MYO1D: variants seen among roughly 807,000 people sequenced by gnomAD.
MYO1D encodes unconventional myosin-Id.
Under a neutral mutation model 122.0 loss-of-function variants are expected in MYO1D, and 83 were observed. The ratio of observed to expected loss-of-function variants is 0.68; its 90% CI spans 0.57 to 0.82. The LOEUF is 0.82. Ranked by LOEUF, MYO1D falls within the 40% of genes least tolerant of loss-of-function variation. The pLI, the probability that MYO1D is intolerant of heterozygous loss-of-function variation, is 0.00. For synonymous variants in MYO1D, 464 were observed against 446.9 expected (o/e 1.04, Z -0.48); for missense variants, 1,157 against 1,269.5 (o/e 0.91, Z 1.35).
chr17:32,632,495 G>C (rs140334365), intron 20 of MYO1D: 3 of 151,212 alleles, frequency 2.0e-5, no homozygotes, highest in Non-Finnish European at 4.4e-5. Flanking sequence ...TGCTGCATTC[G>C]TGTATGTGCC....
chr17:32,821,721 A>G (rs987894160), intron 1 of MYO1D, among the ~76,000 whole-genome samples: 2 of 152,194 alleles, frequency 1.3e-5, no homozygotes, highest in Admixed American at 1.3e-4. Context: ...AACTCCTTTT[A>G]CTTATAAGCA....
intron 1 of MYO1D, among the ~76,000 whole-genome samples, chr17:32,853,784 C>A (rs1243081442): frequency 6.6e-6 from 1 of 152,144 alleles, no homozygotes; most frequent in Non-Finnish European, 1.5e-5. Flanking sequence ...CACTTCTGAA[C>A]CAATGCTCTA....
Position 32,494,618 on chromosome 17 carries a change from A to G in MYO1D, c.*141T>C. On this transcript the variant is annotated 3_prime_UTR_variant, in exon 22 of 22. Coordinates refer to ENST00000318217, the MANE Select transcript of MYO1D (RefSeq NM_015194.3). ...TGATACCAAAGGCAGAAAACCAGGA[A>G]GGAAATCTTACAGGGGCGGGGCTCC... 1 of 1,011,236 alleles carries G rather than the reference A, an allele frequency of 9.9e-7. No individual in the cohort carries two copies. The highest frequency in any genetic ancestry group is 1.4e-6 in the Non-Finnish European group (1 of 712,390). The allele number at this position is 1,011,236 out of a possible 1,614,324, so 62.6% of individuals were successfully genotyped here. A position where few individuals can be genotyped will look rare whatever the true frequency, so the allele number is the denominator to read the frequency against.
rs772718477 is a variant in MYO1D, at chr17:32,764,942, C to T, written c.971G>A (p.Arg324His). Residue 324 changes from arginine to histidine, a missense_variant, in exon 8 of 22, where the codon CGT (arginine) becomes CAT (histidine). Transcript: ENST00000318217. ...ALLYRTVATGRDIIDKQHTEQ... is the reference protein window; with the variant it reads ...ALLYRTVATGHDIIDKQHTEQ... ...TGTGTGCTGCTTGTCAATGATGTCACGGCCTGTGGCCACAGTCCGGTAAAG... is the reference window on the plus strand; with the variant it reads ...TGTGTGCTGCTTGTCAATGATGTCATGGCCTGTGGCCACAGTCCGGTAAAG... 28 of 1,614,078 alleles carry T rather than the reference C, an allele frequency of 1.7e-5. No homozygotes were observed. Among genetic ancestry groups the T allele is most frequent in the East Asian group, 6.7e-5 (3 of 44,892 alleles).
Position 32,873,573 on chromosome 17 carries a change from G to A in MYO1D, c.95+3205C>T, listed in dbSNP as rs141695242. Among the ~76,000 whole-genome samples the A allele has an allele frequency of 1.1e-3, 164 of 152,298 alleles. 1 individual carries two copies. The highest frequency in any genetic ancestry group is 3.4e-3 in the African/African-American group (143 of 41,556). On this transcript the variant is annotated intron_variant, in intron 1 of 21. Transcript: ENST00000318217. ...CATCACAGAACAGCACCTGGATTAC[G>A]CAGTGGTGGGTTTCTGGTCACCTTC...
At chr17:32,741,326 A>C (rs972681059) in intron 13 of MYO1D, among the ~76,000 whole-genome samples, 1 of 151,932 alleles carries the variant, frequency 6.6e-6, no homozygotes, top group African/African-American at 2.4e-5. Context: ...AGCATCAAAT[A>C]GTGTCCAGAG....
chr17:32,646,351 C>A (rs1172572138), intron 19 of MYO1D, among the ~76,000 whole-genome samples: 3 of 152,078 alleles, frequency 2.0e-5, no homozygotes, highest in Non-Finnish European at 4.4e-5. Flanking sequence ...AATAGCTAAT[C>A]CCAGCTACTT....
At chr17:32,563,728 C>G (rs538481562) in intron 21 of MYO1D, among the ~76,000 whole-genome samples, 1 of 152,364 alleles carries the variant, frequency 6.6e-6, no homozygotes, top group East Asian at 1.9e-4. Flanking sequence ...ACACTGAGTT[C>G]TACTTCATGA....
intron 2 of MYO1D, 80 bp downstream of exon 2, chr17:32,780,496 A>G: frequency 7.1e-7 from 1 of 1,413,096 alleles, no homozygotes; most frequent in Non-Finnish European, 9.8e-7. Context: ...AAAATATTTA[A>G]TCAATTGTTT....
rs10674390 is a variant in MYO1D, at chr17:32,639,363, TTGTGTGTGTGTG to T, written c.2596-540_2596-529del. Reference sequence around the variant, plus strand: ...CTAGATTATGAGATTGGGAGAAATTTTGTGTGTGTGTGTGTGTGTGTGTGTGTGTGTGTGTGT... The same window carrying T: ...CTAGATTATGAGATTGGGAGAAATTTTGTGTGTGTGTGTGTGTGTGTGTGT... On this transcript the variant is annotated intron_variant, in intron 19 of 21. Coordinates refer to ENST00000318217, the MANE Select transcript of MYO1D (RefSeq NM_015194.3). 2.7e-3 allele frequency among the ~76,000 whole-genome samples: 340 copies of T among 128,266 alleles called. 4 individuals carry two copies. Among genetic ancestry groups the T allele is most frequent in the African/African-American group, 0.01 (325 of 31,306 alleles). The allele number at this position is 128,266 out of a possible 152,430, so 84.1% of individuals were successfully genotyped here.
intron 21 of MYO1D, among the ~76,000 whole-genome samples, chr17:32,542,531 C>T (rs545156699): frequency 8.6e-5 from 13 of 150,364 alleles, no homozygotes; most frequent in African/African-American, 2.7e-4. Flanking sequence ...TGAGAAGGGA[C>T]GTCCAAAGAG....
chr17:32,720,216 T>C (rs2089494525), intron 15 of MYO1D, among the ~76,000 whole-genome samples: 1 of 152,172 alleles, frequency 6.6e-6, no homozygotes, highest in Non-Finnish European at 1.5e-5. Context: ...CAATTATCAT[T>C]ATCATTTTTT....
chr17:32,557,947 C>A (rs1030671669), intron 21 of MYO1D, among the ~76,000 whole-genome samples: 1 of 151,814 alleles, frequency 6.6e-6, no homozygotes, highest in Non-Finnish European at 1.5e-5. Context: ...AATGAATGGG[C>A]ATGGCTGTGT....
chr17:32,730,536 T>C lies in MYO1D; in HGVS notation c.1746+7717A>G, dbSNP rs559041218. Among the ~76,000 whole-genome samples the C allele has an allele frequency of 7.2e-5, 11 of 152,340 alleles. No individual in the cohort carries two copies. The East Asian group carries it at 1.9e-3, about 27-fold the overall frequency. ...TTGATAAACTCTCTGTTTTTGGTTT[T>C]TGTTTTTCAGAAAGATTCTTTATTG... is the stretch of plus-strand genomic sequence containing the variant. On this transcript the variant is annotated intron_variant, in intron 14 of 21. Coordinates refer to ENST00000318217, the MANE Select transcript of MYO1D (RefSeq NM_015194.3).
chr17:32,730,892 T>A (rs2089629921), intron 14 of MYO1D, among the ~76,000 whole-genome samples: 1 of 151,368 alleles, frequency 6.6e-6, no homozygotes, highest in African/African-American at 2.4e-5. Context: ...CTTTATTTTC[T>A]CTTCCACGTG....
chr17:32,570,459 G>C (rs1228892015), intron 21 of MYO1D, among the ~76,000 whole-genome samples: 1 of 152,034 alleles, frequency 6.6e-6, no homozygotes, highest in African/African-American at 2.4e-5. Context: ...CCGCCTTCCA[G>C]GTTCATGCCA....
intron 16 of MYO1D, among the ~76,000 whole-genome samples, chr17:32,668,892 C>T (rs942384463): frequency 6.6e-6 from 1 of 151,942 alleles, no homozygotes; most frequent in Non-Finnish European, 1.5e-5. Context: ...TTAGTAGAGA[C>T]GCGGTTTTAC....
At chr17:32,553,103 C>CA (rs66479224) in intron 21 of MYO1D, among the ~76,000 whole-genome samples, 50,162 of 132,930 alleles carry the variant, frequency 0.38, 9,426 homozygotes, top group African/African-American at 0.55. Flanking sequence ...AAAAACAAAA[C>CA]AAAAAAAAAA....
intron 16 of MYO1D, among the ~76,000 whole-genome samples, chr17:32,685,720 C>T (rs1404314758): frequency 6.6e-6 from 1 of 152,222 alleles, no homozygotes; most frequent in East Asian, 1.9e-4. Context: ...TGTCCTATTA[C>T]TAAATAACTT....
Sources: gnomAD v4.1 joint callset for allele counts (sites outside exome capture counted in the v4.1 genomes callset) on GRCh38, gnomAD v4.1.1 for gene constraint, MANE v1.5 for transcripts, NCBI Gene and HGNC (gene_info 2026-07-23, HGNC 2026-07-21) for gene names.